The following TERF2 variants were observed in gnomAD, a reference collection of about 807,000 sequenced individuals.
TERF2 encodes the protein telomeric repeat binding factor 2, also known as telomeric repeat-binding factor 2.
A neutral mutation model predicts 56.1 loss-of-function variants in TERF2; 16 were observed. The ratio of observed to expected loss-of-function variants is 0.29; its 90% CI spans 0.19 to 0.43. TERF2 has a LOEUF of 0.43. TERF2 is among the 20% of genes least tolerant of loss of function. TERF2 has a pLI of 1.00. For missense variants in TERF2, 547 were observed against 712.9 expected, an observed-to-expected ratio of 0.77 and a Z score of 2.65; for synonymous variants, 296 against 282.1, an observed-to-expected ratio of 1.05 and a Z score of -0.50.
intron 8 of TERF2, among the ~76,000 whole-genome samples, chr16:69,358,164 C>G (rs1883941794): frequency 6.6e-6 from 1 of 152,202 alleles, no homozygotes; most frequent in South Asian, 2.1e-4. Flanking sequence ...AGGCGCCCAC[C>G]ACTACGCCCG....
At chr16:69,374,738 T>G (rs897653853) in intron 3 of TERF2, among the ~76,000 whole-genome samples, 1 of 117,942 alleles carries the variant, frequency 8.5e-6, no homozygotes, top group Non-Finnish European at 1.7e-5. Context: ...GAGGCTGAGG[T>G]GGGCAGATCA....
At chr16:69,359,617 A>T (rs1597239486) in intron 8 of TERF2, among the ~76,000 whole-genome samples, 3 of 106,874 alleles carry the variant, frequency 2.8e-5, no homozygotes, top group Admixed American at 2.0e-4. Flanking sequence ...TCCTCTTACT[A>T]TCATTCCCAA....
intron 7 of TERF2, among the ~76,000 whole-genome samples, chr16:69,362,324 C>T (rs2013175193): frequency 6.6e-6 from 1 of 152,096 alleles, no homozygotes; most frequent in South Asian, 2.1e-4. Context: ...CCAACCACAA[C>T]ACACACAGAA....
chr16:69,372,640 T>C (rs2013619597), intron 3 of TERF2, among the ~76,000 whole-genome samples: 2 of 152,004 alleles, frequency 1.3e-5, no homozygotes, highest in Admixed American at 1.3e-4. Context: ...TGCATGCCTG[T>C]AATCCCAGCT....
chr16:69,372,827 C>G (rs773028335), intron 3 of TERF2, among the ~76,000 whole-genome samples: 2 of 152,042 alleles, frequency 1.3e-5, no homozygotes, highest in Non-Finnish European at 2.9e-5. Flanking sequence ...TCTCTTTCTG[C>G]TTGTAAGGTA....
Position 69,356,799 on chromosome 16 carries a change from CAAAAAA to C in TERF2, c.*93_*98del. 9.6e-7 allele frequency: 1 copy of C among 1,041,806 alleles called. No homozygotes were observed. Among genetic ancestry groups the C allele is most frequent in the Non-Finnish European group, 1.3e-6 (1 of 798,080 alleles). 64.5% of individuals were successfully genotyped at this position (1,041,806 alleles called of 1,614,324 possible). A position where few individuals can be genotyped will look rare whatever the true frequency, so the allele number is the denominator to read the frequency against. On this transcript the variant is annotated 3_prime_UTR_variant, in exon 10 of 10. Coordinates refer to ENST00000254942, the MANE Select transcript of TERF2 (RefSeq NM_005652.5). ...TGGGTGACAGAGCGAGACTCTGTCTCAAAAAAAAAAAAAAAAGAAAAAGAAAGAAAG... is the reference window on the plus strand; with the variant it reads ...TGGGTGACAGAGCGAGACTCTGTCTCAAAAAAAAAAGAAAAAGAAAGAAAG...
intron 5 of TERF2, 46 bp from the exon 6 acceptor site, chr16:69,368,528 C>T (rs1338948487): frequency 6.2e-7 from 1 of 1,607,766 alleles, no homozygotes. Flanking sequence ...CACAGAATTG[C>T]ATTAATTCTC....
At chr16:69,384,908 T>C (rs978217702) in intron 2 of TERF2, among the ~76,000 whole-genome samples, 198 bp from the exon 3 acceptor site, 3 of 152,198 alleles carry the variant, frequency 2.0e-5, no homozygotes, top group African/African-American at 7.2e-5. Context: ...AACGTGACCA[T>C]TTTTTAACAC....
intron 7 of TERF2, among the ~76,000 whole-genome samples, chr16:69,361,740 C>T (rs1302617275): frequency 6.6e-6 from 1 of 151,900 alleles, no homozygotes; most frequent in African/African-American, 2.4e-5. Flanking sequence ...CATCACCACC[C>T]CTCTAAAGAA....
At chr16:69,376,050 A>G (rs1357433507) in intron 3 of TERF2, among the ~76,000 whole-genome samples, 1 of 152,158 alleles carries the variant, frequency 6.6e-6, no homozygotes, top group African/African-American at 2.4e-5. Flanking sequence ...TCTCAGAGCA[A>G]AAGTTTAAAA....
chr16:69,372,813 GCTGT>G lies in TERF2; in HGVS notation c.607-462_607-459del, dbSNP rs534095739. Among the ~76,000 whole-genome samples the G allele has an allele frequency of 4.9e-4, 74 of 152,216 alleles. No individual in the cohort carries two copies. The South Asian group carries it at 0.015, about 30-fold the overall frequency. ...GTTCAAGTGTTATGAACCACTGGAA[GCTGT>G]CTCTTTCTGCTTGTAAGGTAGTCAC... is the stretch of plus-strand genomic sequence containing the variant. On this transcript the variant is annotated intron_variant, in intron 3 of 9. Coordinates refer to ENST00000254942, the MANE Select transcript of TERF2 (RefSeq NM_005652.5).
At chr16:69,357,256 T>G (rs1464737964) in intron 9 of TERF2, among the ~76,000 whole-genome samples, 200 bp from the exon 10 acceptor site, 1 of 152,232 alleles carries the variant, frequency 6.6e-6, no homozygotes, top group Non-Finnish European at 1.5e-5. Flanking sequence ...GTCCTGCCAT[T>G]TGATCCTCAA....
At chr16:69,366,216 G>C (rs1221063122) in intron 7 of TERF2, 1 of 152,520 alleles carries the variant, frequency 6.6e-6, no homozygotes, top group African/African-American at 2.4e-5. Context: ...ACATGTTCCA[G>C]AGAGCAAGCA....
chr16:69,357,503 A>G lies in TERF2; in HGVS notation c.1470+15T>C. On this transcript the variant is annotated intron_variant, in intron 9 of 9. Coordinates refer to ENST00000254942, the MANE Select transcript of TERF2 (RefSeq NM_005652.5). ...ACCCACATAACCAGTAACAGAAAAG[A>G]GAATTTTAAATTACCTGCTTTTTTG... 1 of 1,609,792 alleles carries G rather than the reference A, an allele frequency of 6.2e-7. No homozygotes were observed. The highest frequency in any genetic ancestry group is 8.5e-7 in the Non-Finnish European group (1 of 1,176,786).
At chr16:69,363,931 G>GA (rs2142718749) in intron 7 of TERF2, among the ~76,000 whole-genome samples, 1 of 152,192 alleles carries the variant, frequency 6.6e-6, no homozygotes, top group African/African-American at 2.4e-5. Context: ...GCAGTGAGCC[G>GA]AGATTGTGCC....
At chr16:69,373,121 G>A (rs1359725735) in intron 3 of TERF2, among the ~76,000 whole-genome samples, 2 of 152,138 alleles carry the variant, frequency 1.3e-5, no homozygotes, top group Non-Finnish European at 2.9e-5. Context: ...TTCCATTCTG[G>A]AAAGGCCTAA....
At chr16:69,385,340 A>G in intron 2 of TERF2, 51 bp downstream of exon 2, 1 of 1,517,006 alleles carries the variant, frequency 6.6e-7, no homozygotes, top group Non-Finnish European at 9.1e-7. Context: ...TAAGTTTTAA[A>G]ACAAAACCCT....
chr16:69,356,958 G>A lies in TERF2; in HGVS notation c.1569C>T (p.Asn523=). Residue 523 remains asparagine (N), a synonymous_variant, in exon 10 of 10, where the codon AAC becomes AAT. Transcript: ENST00000254942. ...GATCCTTAATCATCACAGCTGTTCG[G>A]TTAACAAATGGGTAATTTTTAGAAA... ...AAISKNYPFV[N]RTAVMIKDRW... 1.2e-6 allele frequency: 2 copies of A among 1,614,106 alleles called. No homozygotes were observed. Among genetic ancestry groups the A allele is most frequent in the Non-Finnish European group, 1.7e-6 (2 of 1,180,032 alleles).
intron 3 of TERF2, among the ~76,000 whole-genome samples, chr16:69,373,564 A>G (rs2013655087): frequency 6.6e-6 from 1 of 152,186 alleles, no homozygotes; most frequent in Non-Finnish European, 1.5e-5. Context: ...GCAGCTTACA[A>G]CTGTACAACT....
Sources: allele counts gnomAD v4.1 joint callset (sites outside exome capture counted in the v4.1 genomes callset), GRCh38; gene constraint gnomAD v4.1.1; transcripts MANE v1.5; gene names NCBI Gene and HGNC (gene_info 2026-07-23, HGNC 2026-07-21).